KREMEN1: variants seen among roughly 807,000 people sequenced by gnomAD.
KREMEN1 encodes the protein kringle containing transmembrane protein 1.
In KREMEN1, 30 loss-of-function variants were observed where a neutral mutation model predicts 46.5. The observed-to-expected ratio is 0.65, with a 90% CI of 0.48 to 0.88. The LOEUF (loss-of-function observed/expected upper bound fraction) is 0.88, where lower values mean the gene tolerates loss of function less well. KREMEN1 is among the 40% of genes least tolerant of loss of function. The probability of loss-of-function intolerance (pLI) is 0.00; values close to 1 mark genes in which losing one functional copy is unlikely to be tolerated. For synonymous variants in KREMEN1, 214 were observed against 230.6 expected, an observed-to-expected ratio of 0.93 and a Z score of 0.65; for missense variants, 533 against 596.9, an observed-to-expected ratio of 0.89 and a Z score of 1.11.
chr22:29,132,027 C>T (rs1306467612), intron 5 of KREMEN1, among the ~76,000 whole-genome samples: 1 of 151,564 alleles, frequency 6.6e-6, no homozygotes, highest in South Asian at 2.1e-4. Flanking sequence ...CATGCACCAC[C>T]ACACATGGCT....
chr22:29,113,901 G>A (rs1231834073), intron 3 of KREMEN1, among the ~76,000 whole-genome samples: 2 of 152,166 alleles, frequency 1.3e-5, no homozygotes, highest in Non-Finnish European at 2.9e-5. Context: ...TCTAAGCCTA[G>A]GAAGCAGCAA....
chr22:29,142,278 CA>C lies in KREMEN1; in HGVS notation c.*167del. 1 of 1,328,974 alleles carries C rather than the reference CA, an allele frequency of 7.5e-7. No homozygotes were observed. The highest frequency in any genetic ancestry group is 9.6e-7 in the Non-Finnish European group (1 of 1,044,700). The allele number at this position is 1,328,974 out of a possible 1,614,324, so 82.3% of individuals were successfully genotyped here. ...AGACTAGGAAGAGGCACCCTGCTGC[CA>C]GGGCAGGCAGAGCCTGGATTCCTCC... On this transcript the variant is annotated 3_prime_UTR_variant, in exon 9 of 9. Transcript: ENST00000400335.
At chr22:29,111,883 A>G (rs1413546630) in intron 3 of KREMEN1, among the ~76,000 whole-genome samples, 2 of 152,218 alleles carry the variant, frequency 1.3e-5, no homozygotes, top group Non-Finnish European at 2.9e-5. Context: ...CTGAGCCTTT[A>G]CTATGATGGC....
chr22:29,163,234 C>A (rs894489407), intron 9 of KREMEN1, among the ~76,000 whole-genome samples: 29 of 152,142 alleles, frequency 1.9e-4, no homozygotes, highest in African/African-American at 6.8e-4. Context: ...CGCTCTCCTG[C>A]CATCTCTTGA....
intron 4 of KREMEN1, 83 bp downstream of exon 4, chr22:29,121,564 A>G (rs1472884448): frequency 4.1e-6 from 6 of 1,460,030 alleles, no homozygotes; most frequent in Non-Finnish European, 4.7e-6. Context: ...AATAAGTGCT[A>G]AGTAAAATAA....
chr22:29,138,693 A>G lies in KREMEN1; in HGVS notation c.1034A>G (p.Gln345Arg), dbSNP rs771819923. 5 of 1,614,210 alleles carry G rather than the reference A, an allele frequency of 3.1e-6. No individual in the cohort carries two copies. Among genetic ancestry groups the G allele is most frequent in the Non-Finnish European group, 4.2e-6 (5 of 1,180,040 alleles). ...ACGGTGGCCGAGGTGATCACGGAGC[A>G]GGCCAACCTCAGTGTCAGCGCTGCC... Reference protein sequence around the residue: ...NQTVAEVITEQANLSVSAARS... With the variant: ...NQTVAEVITERANLSVSAARS... The change falls in exon 7 of 9, where the codon CAG (glutamine) becomes CGG (arginine). Residue 345 changes from glutamine to arginine, a missense_variant. Coordinates refer to ENST00000400335, the MANE Select transcript of KREMEN1 (RefSeq NM_001039570.3).
chr22:29,151,092 T>A (rs761301789), downstream of KREMEN1, among the ~76,000 whole-genome samples: 4 of 152,136 alleles, frequency 2.6e-5, no homozygotes, highest in Non-Finnish European at 4.4e-5. Flanking sequence ...GAATCAAACC[T>A]ACACTTCTTT....
chr22:29,163,318 G>T (rs2039028333), intron 9 of KREMEN1, among the ~76,000 whole-genome samples: 1 of 152,062 alleles, frequency 6.6e-6, no homozygotes, highest in Admixed American at 6.6e-5. Flanking sequence ...CAAATAATGC[G>T]AAACTGTGAG....
downstream of KREMEN1, chr22:29,146,847 A>C: frequency 1.1e-6 from 1 of 937,868 alleles, no homozygotes; most frequent in African/African-American, 1.8e-5. Context: ...TGTCATTTCT[A>C]TGGGAGTTCC....
intron 1 of KREMEN1, among the ~76,000 whole-genome samples, chr22:29,085,657 A>G (rs1330985260): frequency 6.6e-6 from 1 of 151,886 alleles, no homozygotes. Flanking sequence ...CTTGTTGAAG[A>G]TGTAGTTTCT....
chr22:29,131,523 C>CATATATATATATATATATATAT (rs148738725), intron 5 of KREMEN1, among the ~76,000 whole-genome samples: 2 of 93,742 alleles, frequency 2.1e-5, no homozygotes, highest in African/African-American at 1.4e-4. Context: ...GTATTCTGTT[C>CATATATATATATATATATATAT]ATATATATAT....
chr22:29,115,253 A>G (rs2038219568), intron 3 of KREMEN1, among the ~76,000 whole-genome samples: 1 of 152,204 alleles, frequency 6.6e-6, no homozygotes, highest in Non-Finnish European at 1.5e-5. Flanking sequence ...AAGGCGTAAG[A>G]ATGACACAGT....
At chr22:29,107,502 G>A (rs937958376) in intron 3 of KREMEN1, among the ~76,000 whole-genome samples, 6 of 152,018 alleles carry the variant, frequency 3.9e-5, no homozygotes, top group Non-Finnish European at 8.8e-5. Flanking sequence ...TTACAGGCAT[G>A]AGCCACCACA....
chr22:29,134,462 T>C (rs1313557151), intron 5 of KREMEN1, among the ~76,000 whole-genome samples: 1 of 152,182 alleles, frequency 6.6e-6, no homozygotes, highest in Non-Finnish European at 1.5e-5. Context: ...TTGCCTCCAG[T>C]AGATTATTTA....
At chr22:29,092,046 G>A (rs1438633949) in intron 1 of KREMEN1, among the ~76,000 whole-genome samples, 1 of 152,186 alleles carries the variant, frequency 6.6e-6, no homozygotes, top group South Asian at 2.1e-4. Context: ...AAGAGTCTGA[G>A]TTTTGTTTTG....
chr22:29,101,509 G>A (rs1202236551), intron 3 of KREMEN1, among the ~76,000 whole-genome samples: 2 of 152,106 alleles, frequency 1.3e-5, no homozygotes, highest in African/African-American at 4.8e-5. Flanking sequence ...AATGTCCTAG[G>A]CCTTCACATT....
At chr22:29,103,226 A>T (rs1348932530) in intron 3 of KREMEN1, among the ~76,000 whole-genome samples, 1 of 152,206 alleles carries the variant, frequency 6.6e-6, no homozygotes, top group African/African-American at 2.4e-5. Flanking sequence ...AAGTCCTGTG[A>T]CATGATCAGA....
intron 9 of KREMEN1, among the ~76,000 whole-genome samples, chr22:29,163,885 G>A (rs890008908): frequency 5.3e-5 from 8 of 152,026 alleles, no homozygotes; most frequent in Admixed American, 2.6e-4. Context: ...ATACACCCAC[G>A]TAACAAACCT....
intron 1 of KREMEN1, among the ~76,000 whole-genome samples, chr22:29,085,235 G>A (rs1191922945): frequency 1.3e-5 from 2 of 152,058 alleles, no homozygotes; most frequent in African/African-American, 4.8e-5. Flanking sequence ...GGAAATTTAG[G>A]ACACAAATAG....
Sources: allele counts gnomAD v4.1 joint callset (sites outside exome capture counted in the v4.1 genomes callset), GRCh38; gene constraint gnomAD v4.1.1; transcripts MANE v1.5; gene names NCBI Gene and HGNC (gene_info 2026-07-23, HGNC 2026-07-21).